TDRD6: variants seen among roughly 807,000 people sequenced by gnomAD.
TDRD6 encodes the protein tudor domain-containing protein 6.
A neutral mutation model predicts 157.5 loss-of-function variants in TDRD6; 186 were observed. That is an observed-to-expected ratio of 1.18 (90% CI 1.05 to 1.33). The LOEUF is 1.33. Among genes scored for constraint, TDRD6 ranks in the 40% most tolerant of loss-of-function variants. The probability of loss-of-function intolerance (pLI) is 0.00; values close to 1 mark genes in which losing one functional copy is unlikely to be tolerated. For missense variants in TDRD6, 3,066 were observed against 2,508.0 expected (o/e 1.22, Z -4.75); for synonymous variants, 1,075 against 945.2 (o/e 1.14, Z -2.52).
chr6:46,697,936 G>A, intron 2 of TDRD6, 62 bp from the exon 3 acceptor site: 2 of 861,812 alleles, frequency 2.3e-6, no homozygotes, highest in Non-Finnish European at 3.7e-6. Context: ...TAATTGCTCT[G>A]GTACATAAAT....
intron 3 of TDRD6, among the ~76,000 whole-genome samples, chr6:46,699,648 A>C (rs1582553173): frequency 2.0e-5 from 3 of 152,222 alleles, no homozygotes; most frequent in Admixed American, 2.0e-4. Context: ...TCAGATCAAA[A>C]TCAGGAGACA....
Position 46,690,866 on chromosome 6 carries a change from C to G in TDRD6, c.2738C>G (p.Ala913Gly). 1 of 1,613,382 alleles carries G rather than the reference C, an allele frequency of 6.2e-7. No individual in the cohort carries two copies. The highest frequency in any genetic ancestry group is 1.1e-5 in the South Asian group (1 of 90,952). Residue 913 changes from alanine (A) to glycine (G), a missense_variant, in exon 1 of 4, where the codon GCA becomes GGA. Transcript: ENST00000316081. Reference protein sequence around the residue: ...IQAFNEFIDNAWQKNLELKCT... With the variant: ...IQAFNEFIDNGWQKNLELKCT... ...GCTTTCAATGAATTTATAGATAATG[C>G]ATGGCAAAAAAATCTAGAATTAAAA...
chr6:46,690,753 T>A lies in TDRD6; in HGVS notation c.2625T>A (p.Val875=). The change falls in exon 1 of 4, where the codon GTT becomes GTA. Residue 875 remains valine, a synonymous_variant. Transcript: ENST00000316081. ...IYSISEEFLK[V]KAQAFRCSLY... is the part of the protein sequence containing the mutation. The stretch of plus-strand genomic sequence containing the variant: ...CAATTAGTGAAGAATTTCTGAAGGT[T>A]AAGGCACAGGCTTTTAGGTGCAGTC... The A allele has an allele frequency of 5.0e-6, 8 of 1,614,188 alleles. No homozygotes were observed. Among genetic ancestry groups the A allele is most frequent in the Non-Finnish European group, 6.8e-6 (8 of 1,180,022 alleles).
Position 46,698,032 on chromosome 6 carries a change from T to C in TDRD6, c.6206T>C (p.Val2069Ala). The C allele has an allele frequency of 6.2e-7, 1 of 1,611,692 alleles. No homozygotes were observed. The highest frequency in any genetic ancestry group is 1.1e-5 in the South Asian group (1 of 90,704). ...CTTTCAAATGGTATGGAGGAGATAGTGAACCCTGAGAATGTCTGGAATGGC... is the reference window on the plus strand; with the variant it reads ...CTTTCAAATGGTATGGAGGAGATAGCGAACCCTGAGAATGTCTGGAATGGC... ...LNLSNGMEEI[V>A]NPENVWNGIP... The change falls in exon 3 of 4, where the codon GTG becomes GCG. Residue 2069 changes from valine to alanine, a missense_variant. Transcript: ENST00000316081.
In TDRD6 at chr6:46,690,965, G is replaced by A. The variant is rs1764297060; in HGVS notation, c.2837G>A (p.Ser946Asn). 1 of 1,614,000 alleles carries A rather than the reference G, an allele frequency of 6.2e-7. No individual in the cohort carries two copies. The highest frequency in any genetic ancestry group is 8.5e-7 in the Non-Finnish European group (1 of 1,179,998). ...GTGGATTTGCTAACCCCCTTTCAGA[G>A]TGCATGCCATTTCTTGGTAGAAAAG... Reference protein sequence around the residue: ...NIVDLLTPFQSACHFLVEKRL... With the variant: ...NIVDLLTPFQNACHFLVEKRL... The change falls in exon 1 of 4, where the codon AGT becomes AAT. Residue 946 changes from serine to asparagine, a missense_variant. Ser to Asn is a conservative substitution (Grantham distance 46). Coordinates refer to ENST00000316081, the MANE Select transcript of TDRD6 (RefSeq NM_001010870.3).
chr6:46,688,377 C>A lies in TDRD6; in HGVS notation c.249C>A (p.Arg83=). ...TGCAGGTCGGGCTTTTGTGGCACCG[C>A]TGCCGCGTGGTCAGCCGGCAGGCAC... is the stretch of plus-strand genomic sequence containing the variant. The part of the protein sequence containing the change: ...CLVQVGLLWH[R]CRVVSRQAQE... Residue 83 remains arginine (R), a synonymous_variant, in exon 1 of 4, where the codon CGC becomes CGA. Transcript: ENST00000316081. The A allele has an allele frequency of 1.3e-6, 2 of 1,535,038 alleles. No homozygotes were observed. Among genetic ancestry groups the A allele is most frequent in the African/African-American group, 1.4e-5 (1 of 72,854 alleles).
In TDRD6 at chr6:46,693,807, G is replaced by A. The variant is rs774550387; in HGVS notation, c.5679G>A (p.Leu1893=). ...VTKGAMELFT[L]QLPLSCEAEK... ...AAGGCGCCATGGAGCTATTTACACTGCAGCTTCCTCTCAGCTGTGAAGCTG... is the reference window on the plus strand; with the variant it reads ...AAGGCGCCATGGAGCTATTTACACTACAGCTTCCTCTCAGCTGTGAAGCTG... Residue 1893 remains leucine (L), a synonymous_variant, in exon 1 of 4, where the codon CTG becomes CTA. Coordinates refer to ENST00000316081, the MANE Select transcript of TDRD6 (RefSeq NM_001010870.3). 5.6e-6 allele frequency: 9 copies of A among 1,614,162 alleles called. No homozygotes were observed. In the South Asian group the frequency reaches 9.9e-5, roughly 18 times the overall value.
rs752362653 is a variant in TDRD6 at position 46,692,044 on chromosome 6, A to G, written c.3916A>G (p.Lys1306Glu). Reference protein sequence around the residue: ...FPQKTIMPGFKTTVYVSHIND... With the variant: ...FPQKTIMPGFETTVYVSHIND... Reference sequence around the variant, plus strand: ...ACAGAAGACTATAATGCCTGGATTTAAAACAACTGTATATGTTTCTCATAT... The same window carrying G: ...ACAGAAGACTATAATGCCTGGATTTGAAACAACTGTATATGTTTCTCATAT... Residue 1306 changes from lysine (K) to glutamate (E), a missense_variant, in exon 1 of 4, where the codon AAA becomes GAA. Coordinates refer to ENST00000316081, the MANE Select transcript of TDRD6 (RefSeq NM_001010870.3). 2.5e-6 allele frequency: 4 copies of G among 1,613,182 alleles called. No homozygotes were observed. The highest frequency in any genetic ancestry group is 3.4e-6 in the Non-Finnish European group (4 of 1,179,802).
the TDRD6 span, among the ~76,000 whole-genome samples, chr6:46,682,547 CT>C: frequency 6.6e-6 from 1 of 151,590 alleles, no homozygotes; most frequent in African/African-American, 2.4e-5. Context: ...ATGGAACTGC[CT>C]TTATTCACAG....
In TDRD6 at chr6:46,694,170, C is replaced by A. The variant is rs1369880096; in HGVS notation, c.6042C>A (p.Ile2014=). 2 of 1,499,294 alleles carry A rather than the reference C, an allele frequency of 1.3e-6. No individual in the cohort carries two copies. The highest frequency in any genetic ancestry group is 1.4e-5 in the South Asian group (1 of 71,900). 92.9% of individuals were successfully genotyped at this position (1,499,294 alleles called of 1,614,324 possible). A position where few individuals can be genotyped will look rare whatever the true frequency, so the allele number is the denominator to read the frequency against. Residue 2014 remains isoleucine, a synonymous_variant, in exon 1 of 4, where the codon ATC becomes ATA. Coordinates refer to ENST00000316081, the MANE Select transcript of TDRD6 (RefSeq NM_001010870.3). ...ACAATAATGGTTTACCAGATCATATCTCAGGTATGTGAATTTTTTTTCCTT... is the reference window on the plus strand; with the variant it reads ...ACAATAATGGTTTACCAGATCATATATCAGGTATGTGAATTTTTTTTCCTT... ...SKHNNGLPDH[I]SAQLQNTYTL...
rs373859512 is a variant in TDRD6 at position 46,688,630 on chromosome 6, G to A, written c.502G>A (p.Gly168Arg). 2 of 1,599,224 alleles carry A rather than the reference G, an allele frequency of 1.3e-6. No homozygotes were observed. Among genetic ancestry groups the A allele is most frequent in the Non-Finnish European group, 8.5e-7 (1 of 1,179,856 alleles). ...LSNLQGKEVH[G>R]CVLDVLLLHR... The stretch of plus-strand genomic sequence containing the variant: ...CAACCTTCAGGGCAAGGAGGTGCAC[G>A]GGTGCGTCCTGGACGTGCTGCTGCT... Residue 168 changes from glycine (G) to arginine (R), a missense_variant, in exon 1 of 4, where the codon GGG becomes AGG. Gly to Arg is a moderately radical substitution (Grantham distance 125). Transcript: ENST00000316081.
rs371133327 is a variant in TDRD6, at chr6:46,697,023, C to T, written c.6172-975C>T. Reference sequence around the variant, plus strand: ...CATATTCCATTAAAATTGGAGAGCCCCTGGCCTGGAACATAAAAGTCAAGC... The same window carrying T: ...CATATTCCATTAAAATTGGAGAGCCTCTGGCCTGGAACATAAAAGTCAAGC... On this transcript the variant is annotated intron_variant, in intron 2 of 3. Transcript: ENST00000316081. Among the ~76,000 whole-genome samples the T allele has an allele frequency of 2.4e-4, 36 of 152,018 alleles. No homozygotes were observed. In the East Asian group the frequency reaches 6.8e-3, roughly 29 times the overall value.
At chr6:46,697,925 A>T in intron 2 of TDRD6, 73 bp from the exon 3 acceptor site, 1 of 785,520 alleles carries the variant, frequency 1.3e-6, no homozygotes. Context: ...CATTTTTAAA[A>T]TAATTGCTCT....
chr6:46,680,803 T>C, the TDRD6 span, among the ~76,000 whole-genome samples: 1 of 152,198 alleles, frequency 6.6e-6, no homozygotes. Context: ...GCTGCTTTTC[T>C]ATGTAGTTTA....
upstream of TDRD6, among the ~76,000 whole-genome samples, chr6:46,685,010 G>A (rs1582533865): frequency 7.0e-6 from 1 of 143,504 alleles, no homozygotes; most frequent in South Asian, 2.1e-4. Flanking sequence ...ATATAACATT[G>A]TGGGTTTTTT....
Position 46,691,259 on chromosome 6 carries a change from A to G in TDRD6, c.3131A>G (p.Tyr1044Cys), listed in dbSNP as rs1246057088. Reference protein sequence around the residue: ...LNPGTLCLAKYTDGNWYRGIV... With the variant: ...LNPGTLCLAKCTDGNWYRGIV... ...CCTGGAACCTTGTGCCTTGCCAAGT[A>G]TACTGATGGAAACTGGTATAGGGGC... Residue 1044 changes from tyrosine (Y) to cysteine (C), a missense_variant, in exon 1 of 4, where the codon TAT becomes TGT. By Grantham distance (194) the Tyr-to-Cys change is radical. Coordinates refer to ENST00000316081, the MANE Select transcript of TDRD6 (RefSeq NM_001010870.3). 1.9e-6 allele frequency: 3 copies of G among 1,614,132 alleles called. No homozygotes were observed. Among genetic ancestry groups the G allele is most frequent in the Non-Finnish European group, 2.5e-6 (3 of 1,179,958 alleles).
At position 46,695,880 on chromosome 6, in the gene TDRD6, T is replaced by A. The variant is rs1176179447; in HGVS notation, c.6106T>A (p.Trp2036Arg). The A allele has an allele frequency of 1.2e-6, 2 of 1,613,758 alleles. No homozygotes were observed. Among genetic ancestry groups the A allele is most frequent in the Non-Finnish European group, 1.7e-6 (2 of 1,179,790 alleles). ...AFTVGSKCVV[W>R]SSLRNTWSKC... ...TACTGTTGGATCTAAATGTGTTGTG[T>A]GGTCAAGTCTAAGAAACACATGGTC... is the stretch of plus-strand genomic sequence containing the variant. The change falls in exon 2 of 4, where the codon TGG (tryptophan) becomes AGG (arginine). Residue 2036 changes from tryptophan (W) to arginine (R), a missense_variant. Coordinates refer to ENST00000316081, the MANE Select transcript of TDRD6 (RefSeq NM_001010870.3).
intron 3 of TDRD6, 74 bp downstream of exon 3, chr6:46,698,161 C>T: frequency 8.8e-7 from 1 of 1,131,640 alleles, no homozygotes; most frequent in Non-Finnish European, 1.3e-6. Flanking sequence ...CAAACTATTT[C>T]CAAAGTCCTT....
upstream of TDRD6, among the ~76,000 whole-genome samples, chr6:46,683,861 T>A (rs1266476486): frequency 6.6e-6 from 1 of 152,122 alleles, no homozygotes; most frequent in Non-Finnish European, 1.5e-5. Context: ...CCTGAGATGA[T>A]AAACATGGAC....
Sources: allele counts gnomAD v4.1 joint callset (sites outside exome capture counted in the v4.1 genomes callset), GRCh38; gene constraint gnomAD v4.1.1; transcripts MANE v1.5; gene names NCBI Gene and HGNC (gene_info 2026-07-23, HGNC 2026-07-21).